The following AK7 variants were observed in gnomAD, a reference collection of about 807,000 sequenced individuals.
AK7 encodes the protein ATP-AMP transphosphorylase 7.
AK7 carries 78 observed loss-of-function variants against 96.6 expected under a neutral mutation model. The observed-to-expected ratio is 0.81, with a 90% CI of 0.67 to 0.97. The LOEUF (loss-of-function observed/expected upper bound fraction) is 0.97, where lower values mean the gene tolerates loss of function less well. Among genes scored for constraint, AK7 ranks in the 50% least tolerant of loss-of-function variants. The pLI, the probability that AK7 is intolerant of heterozygous loss-of-function variation, is 0.00. For missense variants in AK7, 855 were observed against 887.9 expected (o/e 0.96, Z 0.47); for synonymous variants, 302 against 317.2 (o/e 0.95, Z 0.51).
Position 96,398,158 on chromosome 14 carries a change from G to A in AK7, c.189G>A (p.Met63Ile). ...EEEEDENKSA[M>I]LEASSTKVKE... ...AGGAAGATGAAAATAAGTCAGCTAT[G>A]CTGGAAGCTTCCTCAACCAAAGTGA... Residue 63 changes from methionine to isoleucine, a missense_variant, in exon 2 of 18, where the codon ATG becomes ATA. Physicochemically the swap from Met to Ile is conservative, Grantham distance 10. Transcript: ENST00000267584. 6.2e-7 allele frequency: 1 copy of A among 1,614,160 alleles called. No individual in the cohort carries two copies. The highest frequency in any genetic ancestry group is 1.1e-5 in the South Asian group (1 of 91,090).
In AK7 at chr14:96,478,563, C is replaced by T. The variant is rs745377119; in HGVS notation, c.1654C>T (p.Arg552Ter). The change falls in exon 15 of 18, where the codon CGA (arginine) becomes TGA (stop). Residue 552 changes from arginine to a stop codon, truncating the protein, a stop_gained. Coordinates refer to ENST00000267584, the MANE Select transcript of AK7 (RefSeq NM_152327.5). LOFTEE classifies it high-confidence loss of function. Reference sequence around the variant, plus strand: ...GGCGGGGACCCACTACAGCCAAGACCGATTCCTCCGGGCTCTGAGCAACTA... The same window carrying T: ...GGCGGGGACCCACTACAGCCAAGACTGATTCCTCCGGGCTCTGAGCAACTA... ...IVAGTHYSQD[R>*]FLRALSNYRD... is the part of the protein sequence containing the mutation. The T allele has an allele frequency of 2.2e-5, 36 of 1,614,044 alleles. No individual in the cohort carries two copies. The highest frequency in any genetic ancestry group is 3.3e-5 in the Admixed American group (2 of 60,006).
At position 96,487,018 on chromosome 14, in the gene AK7, T is replaced by C. The variant is rs1339557587; in HGVS notation, c.2095T>C (p.Cys699Arg). 1 of 1,614,116 alleles carries C rather than the reference T, an allele frequency of 6.2e-7. No individual in the cohort carries two copies. The highest frequency in any genetic ancestry group is 1.3e-5 in the African/African-American group (1 of 75,024). Reference sequence around the variant, plus strand: ...AACTCTTATTCAGGGCCTGAATGAATGTTGCAACGTCCGACCCGAAGACCC... The same window carrying C: ...AACTCTTATTCAGGGCCTGAATGAACGTTGCAACGTCCGACCCGAAGACCC... ...MPTLIQGLNE[C>R]CNVRPEDPVD... The change falls in exon 17 of 18, where the codon TGT becomes CGT. Residue 699 changes from cysteine (C) to arginine (R), a missense_variant. Coordinates refer to ENST00000267584, the MANE Select transcript of AK7 (RefSeq NM_152327.5).
chr14:96,405,400 T>C (rs183884343), intron 3 of AK7, among the ~76,000 whole-genome samples: 13 of 151,636 alleles, frequency 8.6e-5, no homozygotes, highest in Non-Finnish European at 1.5e-5. Flanking sequence ...TCCAGGCTGG[T>C]CTCAAACCCC....
In AK7 at chr14:96,468,296, CTTTTTTTTTTT is replaced by C. The variant is rs67009492; in HGVS notation, c.1358-3169_1358-3159del. 2.8e-4 allele frequency among the ~76,000 whole-genome samples: 28 copies of C among 98,560 alleles called. No homozygotes were observed. In the East Asian group the frequency reaches 5.8e-3, roughly 20 times the overall value. The allele number at this position is 98,560 out of a possible 152,430, so 64.7% of individuals were successfully genotyped here. A position where few individuals can be genotyped will look rare whatever the true frequency, so the allele number is the denominator to read the frequency against. ...AAATACATAGCTTTTGCACTCTTTC[CTTTTTTTTTTT>C]TTTTTTTTTTTTGAGAAGGAGTTTC... On this transcript the variant is annotated intron_variant, in intron 12 of 17. Coordinates refer to ENST00000267584, the MANE Select transcript of AK7 (RefSeq NM_152327.5).
rs546071311 is a variant in AK7, at chr14:96,409,991, A to G, written c.498+1050A>G. Among the ~76,000 whole-genome samples the G allele has an allele frequency of 2.4e-4, 37 of 152,334 alleles. No homozygotes were observed. In the South Asian group the frequency reaches 3.9e-3, roughly 16 times the overall value. On this transcript the variant is annotated intron_variant, in intron 4 of 17. Coordinates refer to ENST00000267584, the MANE Select transcript of AK7 (RefSeq NM_152327.5). The stretch of plus-strand genomic sequence containing the variant: ...TGCCAGCGATTCCTGGCTGACCACA[A>G]TGATACACCATTGATCCCAGATATG...
intron 8 of AK7, among the ~76,000 whole-genome samples, chr14:96,448,277 C>T (rs941418453): frequency 6.6e-6 from 1 of 152,006 alleles, no homozygotes; most frequent in African/African-American, 2.4e-5. Context: ...TACCATAAAC[C>T]GAGTAGCTTA....
chr14:96,465,797 G>A (rs895854109), intron 12 of AK7, among the ~76,000 whole-genome samples: 4 of 152,048 alleles, frequency 2.6e-5, no homozygotes, highest in Admixed American at 2.6e-4. Flanking sequence ...AGATCATGAG[G>A]TGAGGAGTTC....
rs185997266 is a variant in AK7, at chr14:96,464,198, G to A, written c.1357+5986G>A. ...AAGCTACTCTGTCACAGAGTAGGGC[G>A]TCTTCAGAAAGCACAAGGGGGAAGG... On this transcript the variant is annotated intron_variant, in intron 12 of 17. Coordinates refer to ENST00000267584, the MANE Select transcript of AK7 (RefSeq NM_152327.5). 7.2e-5 allele frequency among the ~76,000 whole-genome samples: 11 copies of A among 152,126 alleles called. No individual in the cohort carries two copies. In the South Asian group the frequency reaches 1.7e-3, roughly 23 times the overall value.
Position 96,437,855 on chromosome 14 carries a change from C to A in AK7, c.630C>A (p.Tyr210Ter). 1 of 1,610,992 alleles carries A rather than the reference C, an allele frequency of 6.2e-7. No homozygotes were observed. Among genetic ancestry groups the A allele is most frequent in the Non-Finnish European group, 8.5e-7 (1 of 1,178,514 alleles). ...FGKKARKFAAYVVAAGLQYGA... is the reference protein window; with the variant it reads ...FGKKARKFAA Reference sequence around the variant, plus strand: ...AATAGGCCAGAAAATTTGCAGCATACGTAGTTGCTGCTGGACTCCAGTATG... The same window carrying A: ...AATAGGCCAGAAAATTTGCAGCATAAGTAGTTGCTGCTGGACTCCAGTATG... Residue 210 changes from tyrosine to a stop codon, truncating the protein, a stop_gained, in exon 6 of 18, where the codon TAC becomes TAA. Coordinates refer to ENST00000267584, the MANE Select transcript of AK7 (RefSeq NM_152327.5). LOFTEE classifies it high-confidence loss of function.
At chr14:96,456,727 C>G (rs1004375469) in intron 11 of AK7, 1 of 331,272 alleles carries the variant, frequency 3.0e-6, no homozygotes, top group Non-Finnish European at 5.7e-6. Context: ...TTGGATGTGG[C>G]GCTTGCTGGC....
chr14:96,392,394 T>A, intron 1 of AK7, 135 bp downstream of exon 1: 1 of 697,896 alleles, frequency 1.4e-6, no homozygotes, highest in South Asian at 1.8e-5. Context: ...TCCCGCGTCC[T>A]GGGCACCACC....
At chr14:96,460,632 G>A (rs543627785) in intron 12 of AK7, among the ~76,000 whole-genome samples, 4 of 152,252 alleles carry the variant, frequency 2.6e-5, no homozygotes, top group African/African-American at 9.6e-5. Flanking sequence ...TTGCCATAGA[G>A]GTTGTCCTCT....
At chr14:96,458,524 C>T (rs1376738031) in intron 12 of AK7, among the ~76,000 whole-genome samples, 1 of 151,828 alleles carries the variant, frequency 6.6e-6, no homozygotes, top group Non-Finnish European at 1.5e-5. Context: ...GGTGGATCAC[C>T]TGAGGTCATG....
chr14:96,416,385 C>CAAA (rs35859783), intron 4 of AK7, among the ~76,000 whole-genome samples: 3 of 121,020 alleles, frequency 2.5e-5, no homozygotes, highest in Admixed American at 8.4e-5. Flanking sequence ...GACTCTGTCT[C>CAAA]AAAAAAAAAA....
rs1895595208 is a variant in AK7 at position 96,483,153 on chromosome 14, G to A, written c.1908G>A (p.Glu636=). 4 of 1,613,896 alleles carry A rather than the reference G, an allele frequency of 2.5e-6. No homozygotes were observed. The highest frequency in any genetic ancestry group is 3.4e-6 in the Non-Finnish European group (4 of 1,179,958). Residue 636 remains glutamate, a synonymous_variant, in exon 16 of 18, where the codon GAG becomes GAA. Transcript: ENST00000267584. ...AGCGGCTGGCCAGGGAGGCTGCTGA[G>A]GAAGCAGAACGCGAGCACCAGGAGG... ...AEERLAREAA[E]EAEREHQEAV... is the part of the protein sequence containing the mutation.
Position 96,488,676 on chromosome 14 carries a change from G to T in AK7, c.*333G>T. 1 of 186,924 alleles carries T rather than the reference G, an allele frequency of 5.3e-6. No homozygotes were observed. The highest frequency in any genetic ancestry group is 1.1e-5 in the Non-Finnish European group (1 of 90,056). 11.6% of individuals were successfully genotyped at this position (186,924 alleles called of 1,614,324 possible). ...CATGAAGAAAATCAGACTATATATT[G>T]TAGACTATGTATTATTCTAACATGT... On this transcript the variant is annotated 3_prime_UTR_variant, in exon 18 of 18. Coordinates refer to ENST00000267584, the MANE Select transcript of AK7 (RefSeq NM_152327.5).
At chr14:96,488,202 C>G (rs1474492101) in intron 17 of AK7, 103 bp from the exon 18 acceptor site, 2 of 1,147,050 alleles carry the variant, frequency 1.7e-6, no homozygotes, top group African/African-American at 3.1e-5. Context: ...CATGAGCCAC[C>G]AAGCTTGGCC....
At chr14:96,407,870 C>A (rs935698237) in intron 3 of AK7, among the ~76,000 whole-genome samples, 6 of 152,140 alleles carry the variant, frequency 3.9e-5, no homozygotes, top group South Asian at 2.1e-4. Context: ...TGAGCCACCA[C>A]GCCCGGCCGA....
intron 6 of AK7, among the ~76,000 whole-genome samples, chr14:96,440,921 C>T (rs78907852): frequency 0.25 from 37,760 of 151,656 alleles, 4,780 homozygotes; most frequent in Middle Eastern, 0.28. Context: ...AAAGCACTTT[C>T]GGAGGCCAGT....
Sources: allele counts gnomAD v4.1 joint callset (sites outside exome capture counted in the v4.1 genomes callset), GRCh38; gene constraint gnomAD v4.1.1; transcripts MANE v1.5; gene names NCBI Gene and HGNC (gene_info 2026-07-23, HGNC 2026-07-21).